Variants in WWOX observed in about 807,000 individuals in gnomAD.
The protein encoded by WWOX is WW domain-containing oxidoreductase.
WWOX carries 69 observed loss-of-function variants against 46.2 expected under a neutral mutation model. That is an observed-to-expected ratio of 1.49 (90% CI 1.23 to 1.82). The LOEUF (loss-of-function observed/expected upper bound fraction) is 1.82, where lower values mean the gene tolerates loss of function less well. WWOX is among the 40% of genes most tolerant of loss of function. WWOX has a pLI of 0.00. For missense variants in WWOX, 919 were observed against 542.6 expected, an observed-to-expected ratio of 1.69 and a Z score of -6.89; for synonymous variants, 359 against 202.6, an observed-to-expected ratio of 1.77 and a Z score of -6.56.
At chr16:78,882,109 G>A (rs887197710) in intron 8 of WWOX, among the ~76,000 whole-genome samples, 4 of 152,162 alleles carry the variant, frequency 2.6e-5, no homozygotes, top group African/African-American at 9.7e-5. Flanking sequence ...CTGGGTGACA[G>A]AGCAAGAGTC....
intron 8 of WWOX, among the ~76,000 whole-genome samples, chr16:78,441,357 C>A (rs2083440191): frequency 6.6e-6 from 1 of 152,202 alleles, no homozygotes. Context: ...TGACCAGGTG[C>A]TGAATCAGTG....
chr16:78,375,321 A>C (rs1597124238), intron 5 of WWOX, among the ~76,000 whole-genome samples: 1 of 152,372 alleles, frequency 6.6e-6, no homozygotes, highest in East Asian at 1.9e-4. Context: ...CTGAAGAACC[A>C]GGAGAAATGC....
intron 8 of WWOX, among the ~76,000 whole-genome samples, chr16:78,860,928 A>G (rs1245431994): frequency 7.2e-5 from 11 of 152,054 alleles, no homozygotes; most frequent in Admixed American, 6.6e-4. Flanking sequence ...TGATCCTCCC[A>G]CTTCAGCCCC....
chr16:78,961,178 C>T (rs191066224), intron 8 of WWOX, among the ~76,000 whole-genome samples: 94 of 152,196 alleles, frequency 6.2e-4, no homozygotes, highest in Middle Eastern at 3.4e-3. Flanking sequence ...GCCAGGGGTC[C>T]TTTATGCAGG....
At chr16:78,477,958 GA>G (rs1485288849) in intron 8 of WWOX, among the ~76,000 whole-genome samples, 1 of 152,102 alleles carries the variant, frequency 6.6e-6, no homozygotes, top group Non-Finnish European at 1.5e-5. Flanking sequence ...ATTACCAGGG[GA>G]AAGAAAAATA....
intron 8 of WWOX, among the ~76,000 whole-genome samples, chr16:78,966,954 C>G (rs1011077752): frequency 6.6e-6 from 1 of 152,160 alleles, no homozygotes; most frequent in Non-Finnish European, 1.5e-5. Context: ...GTAAGGGGTT[C>G]GTAAATACTG....
At chr16:78,475,899 G>C (rs1263705420) in intron 8 of WWOX, among the ~76,000 whole-genome samples, 5 of 152,172 alleles carry the variant, frequency 3.3e-5, no homozygotes, top group Non-Finnish European at 1.5e-5. Flanking sequence ...TTAAAAATTA[G>C]AACCTGGACA....
intron 8 of WWOX, among the ~76,000 whole-genome samples, chr16:78,750,754 C>G (rs1473607000): frequency 6.6e-6 from 1 of 152,144 alleles, no homozygotes; most frequent in Non-Finnish European, 1.5e-5. Flanking sequence ...ATTTGGTTTT[C>G]TGTTTCTGCA....
At chr16:78,923,242 A>T (rs1050270636) in intron 8 of WWOX, among the ~76,000 whole-genome samples, 1 of 152,064 alleles carries the variant, frequency 6.6e-6, no homozygotes, top group Admixed American at 6.6e-5. Context: ...CGGCCTCCCA[A>T]AGCACTGGGA....
At chr16:78,334,839 C>CAA (rs2080847139) in intron 5 of WWOX, among the ~76,000 whole-genome samples, 1 of 146,310 alleles carries the variant, frequency 6.8e-6, no homozygotes, top group Non-Finnish European at 1.5e-5. Context: ...CACATACACA[C>CAA]ACACACACAC....
chr16:78,721,124 C>T (rs1384333251), intron 8 of WWOX, among the ~76,000 whole-genome samples: 1 of 152,156 alleles, frequency 6.6e-6, no homozygotes, highest in Non-Finnish European at 1.5e-5. Context: ...TCTCCATAAA[C>T]TGTTTTTCAT....
intron 8 of WWOX, among the ~76,000 whole-genome samples, chr16:79,199,219 C>T (rs141471065): frequency 7.0e-4 from 107 of 152,272 alleles, no homozygotes; most frequent in Non-Finnish European, 1.2e-3. Flanking sequence ...TGCGCCACCA[C>T]GCCTGGCTAA....
chr16:79,046,120 T>G (rs555989839), intron 8 of WWOX, among the ~76,000 whole-genome samples: 1 of 152,144 alleles, frequency 6.6e-6, no homozygotes, highest in Non-Finnish European at 1.5e-5. Flanking sequence ...CTTTTCTATA[T>G]TGTAGGGATA....
At chr16:78,735,826 A>T (rs184925202) in intron 8 of WWOX, among the ~76,000 whole-genome samples, 1 of 125,564 alleles carries the variant, frequency 8.0e-6, no homozygotes, top group East Asian at 1.9e-4. Flanking sequence ...TTTGTGAATC[A>T]GGGGATGCTC....
chr16:79,123,745 C>T (rs999314268), intron 8 of WWOX, among the ~76,000 whole-genome samples: 1 of 152,096 alleles, frequency 6.6e-6, no homozygotes, highest in African/African-American at 2.4e-5. Context: ...GAAATAATGC[C>T]ATTTAAAAGC....
At chr16:78,642,563 C>G (rs1278301927) in intron 8 of WWOX, among the ~76,000 whole-genome samples, 1 of 152,112 alleles carries the variant, frequency 6.6e-6, no homozygotes, top group Admixed American at 6.5e-5. Context: ...CCACCAGGAG[C>G]CACTTGTTGG....
At chr16:79,120,159 G>T (rs1163149435) in intron 8 of WWOX, among the ~76,000 whole-genome samples, 1 of 152,188 alleles carries the variant, frequency 6.6e-6, no homozygotes, top group African/African-American at 2.4e-5. Context: ...TCAGGGACTG[G>T]ATTTTCCATA....
At chr16:78,388,112 A>C (rs529478885) in intron 6 of WWOX, among the ~76,000 whole-genome samples, 1 of 152,120 alleles carries the variant, frequency 6.6e-6, no homozygotes, top group Non-Finnish European at 1.5e-5. Context: ...CCTTAATGCA[A>C]CGTCCCACTG....
chr16:78,865,073 A>G (rs1205568922), intron 8 of WWOX, among the ~76,000 whole-genome samples: 1 of 151,944 alleles, frequency 6.6e-6, no homozygotes, highest in African/African-American at 2.4e-5. Context: ...TTCAAATTCC[A>G]TTTTTTAAAG....
Sources: allele counts gnomAD v4.1 joint callset (sites outside exome capture counted in the v4.1 genomes callset), GRCh38; gene constraint gnomAD v4.1.1; transcripts MANE v1.5; gene names NCBI Gene and HGNC (gene_info 2026-07-23, HGNC 2026-07-21).